The following AGBL4 variants were observed in gnomAD, a reference collection of about 807,000 sequenced individuals.
AGBL4 encodes AGBL carboxypeptidase 4, also known as cytosolic carboxypeptidase 6.
A neutral mutation model predicts 66.4 loss-of-function variants in AGBL4; 58 were observed. That is an observed-to-expected ratio of 0.87 (90% CI 0.71 to 1.09). AGBL4 has a LOEUF of 1.09. AGBL4 is among the 50% of genes least tolerant of loss of function. AGBL4 has a pLI of 0.00. For missense variants in AGBL4, 579 were observed against 631.0 expected, an observed-to-expected ratio of 0.92 and a Z score of 0.88; for synonymous variants, 234 against 222.9, an observed-to-expected ratio of 1.05 and a Z score of -0.44.
At chr1:48,913,368 T>C (rs1335415788) in intron 5 of AGBL4, among the ~76,000 whole-genome samples, 1 of 152,174 alleles carries the variant, frequency 6.6e-6, no homozygotes, top group African/African-American at 2.4e-5. Context: ...CAAATCCCAG[T>C]TCTGTGTCCT....
intron 3 of AGBL4, among the ~76,000 whole-genome samples, chr1:49,332,718 A>T (rs779210385): frequency 1.3e-5 from 2 of 152,218 alleles, no homozygotes; most frequent in Non-Finnish European, 2.9e-5. Flanking sequence ...CATTATACTG[A>T]TGTTACAATG....
chr1:48,982,888 G>A (rs1351126592), intron 5 of AGBL4, among the ~76,000 whole-genome samples: 5 of 151,920 alleles, frequency 3.3e-5, no homozygotes, highest in African/African-American at 1.2e-4. Flanking sequence ...TTTAATGATT[G>A]CCATTCTAAC....
intron 6 of AGBL4, chr1:48,761,587 G>GA (rs1473357077): frequency 1.8e-6 from 2 of 1,100,216 alleles, no homozygotes; most frequent in Non-Finnish European, 2.5e-6. Flanking sequence ...AGTTAAAAAG[G>GA]AAAAACAAAC....
At chr1:48,565,825 C>T (rs1336627872) in intron 11 of AGBL4, among the ~76,000 whole-genome samples, 1 of 152,188 alleles carries the variant, frequency 6.6e-6, no homozygotes, top group Non-Finnish European at 1.5e-5. Flanking sequence ...TAGGGCAGTA[C>T]CTGCCACATA....
At chr1:49,202,968 A>C (rs1225478162) in intron 4 of AGBL4, among the ~76,000 whole-genome samples, 2 of 152,002 alleles carry the variant, frequency 1.3e-5, no homozygotes, top group African/African-American at 4.8e-5. Context: ...ATTTCTTTAA[A>C]GTAGATATAG....
At chr1:49,757,295 G>C (rs1651961475) in intron 2 of AGBL4, among the ~76,000 whole-genome samples, 1 of 152,186 alleles carries the variant, frequency 6.6e-6, no homozygotes, top group Non-Finnish European at 1.5e-5. Flanking sequence ...AAATTACCCA[G>C]CCTCATGTAT....
chr1:48,557,824 A>G (rs975170493), intron 11 of AGBL4, among the ~76,000 whole-genome samples: 2 of 152,148 alleles, frequency 1.3e-5, no homozygotes, highest in Admixed American at 1.3e-4. Context: ...GAGAGAACAA[A>G]GAAGCGCACA....
rs554281130 is a variant in AGBL4 at position 49,695,873 on chromosome 1, C to T, written c.282+1440G>A. On this transcript the variant is annotated intron_variant, in intron 3 of 13. Coordinates refer to ENST00000371839, the MANE Select transcript of AGBL4 (RefSeq NM_032785.4). ...AGCAAAGTGGCTGTATTTGCACCCC[C>T]TTTTTGCTGAAGCTAGCATGCCAGG... is the stretch of plus-strand genomic sequence containing the variant. 2.0e-5 allele frequency among the ~76,000 whole-genome samples: 3 copies of T among 152,194 alleles called. No individual in the cohort carries two copies. In the East Asian group the frequency reaches 5.8e-4, roughly 29 times the overall value.
intron 3 of AGBL4, among the ~76,000 whole-genome samples, chr1:49,337,704 G>A (rs923852949): frequency 2.6e-5 from 4 of 152,144 alleles, no homozygotes; most frequent in Non-Finnish European, 5.9e-5. Flanking sequence ...CATGGCATAG[G>A]CTTTCATCTA....
At chr1:49,443,154 T>C (rs896840265) in intron 3 of AGBL4, among the ~76,000 whole-genome samples, 61 of 152,270 alleles carry the variant, frequency 4.0e-4, no homozygotes, top group African/African-American at 1.4e-3. Context: ...TTGCTTGAGT[T>C]CCTTGTATAT....
chr1:49,575,983 A>C (rs978842056), intron 3 of AGBL4, among the ~76,000 whole-genome samples: 1 of 152,184 alleles, frequency 6.6e-6, no homozygotes, highest in African/African-American at 2.4e-5. Context: ...AACACACTGG[A>C]CTTATTGGTG....
chr1:48,682,078 CTTG>C (rs1419633993), intron 6 of AGBL4, among the ~76,000 whole-genome samples: 4 of 152,204 alleles, frequency 2.6e-5, no homozygotes, highest in Non-Finnish European at 5.9e-5. Flanking sequence ...AGGACACAGA[CTTG>C]TGTGAGCACA....
chr1:48,892,714 G>A (rs1266779003), intron 5 of AGBL4, among the ~76,000 whole-genome samples: 1 of 152,258 alleles, frequency 6.6e-6, no homozygotes, highest in South Asian at 2.1e-4. Flanking sequence ...GTGAGCAGAG[G>A]GATGACTTTG....
chr1:49,774,976 T>G (rs1002039883), intron 2 of AGBL4, among the ~76,000 whole-genome samples: 13 of 152,258 alleles, frequency 8.5e-5, no homozygotes, highest in Admixed American at 7.8e-4. Flanking sequence ...ATAACCTAAA[T>G]GTCCTTGATT....
chr1:49,037,591 G>T (rs1046214383), intron 5 of AGBL4, among the ~76,000 whole-genome samples: 1 of 151,996 alleles, frequency 6.6e-6, no homozygotes, highest in Admixed American at 6.6e-5. Context: ...ATGCAACACT[G>T]TCAGGACACA....
In AGBL4 at chr1:49,327,718, T is replaced by G. The variant is rs561293902; in HGVS notation, c.283-81854A>C. On this transcript the variant is annotated intron_variant, in intron 3 of 13. Transcript: ENST00000371839. ...GCGGAGTCCTCATGACTTAATCACC[T>G]CCTAAAGGCCACATCTCTTAATACA... Among the ~76,000 whole-genome samples the G allele has an allele frequency of 2.0e-5, 3 of 152,314 alleles. No individual in the cohort carries two copies. In the East Asian group the frequency reaches 5.8e-4, roughly 29 times the overall value.
At chr1:49,726,708 G>A (rs1047471376) in intron 2 of AGBL4, among the ~76,000 whole-genome samples, 4 of 152,042 alleles carry the variant, frequency 2.6e-5, no homozygotes, top group Admixed American at 6.6e-5. Flanking sequence ...CAAACTACAG[G>A]AACCAGCACA....
chr1:49,135,343 G>T (rs936875273), intron 4 of AGBL4, among the ~76,000 whole-genome samples: 1 of 152,110 alleles, frequency 6.6e-6, no homozygotes, highest in African/African-American at 2.4e-5. Context: ...AAAGATATAT[G>T]TGCAAACATG....
intron 1 of AGBL4, among the ~76,000 whole-genome samples, chr1:49,969,946 C>G (rs190414448): frequency 6.6e-6 from 1 of 152,134 alleles, no homozygotes; most frequent in East Asian, 1.9e-4. Flanking sequence ...AATAAACACA[C>G]ACATAAACGG....
Sources: gnomAD v4.1 joint callset for allele counts (sites outside exome capture counted in the v4.1 genomes callset) on GRCh38, gnomAD v4.1.1 for gene constraint, MANE v1.5 for transcripts, NCBI Gene and HGNC (gene_info 2026-07-23, HGNC 2026-07-21) for gene names.